Variants in PDE1C observed in about 807,000 individuals in gnomAD.
PDE1C encodes the protein dual specificity calcium/calmodulin-dependent 3',5'-cyclic nucleotide phosphodiesterase 1C.
PDE1C carries 62 observed loss-of-function variants against 93.1 expected under a neutral mutation model. That is an observed-to-expected ratio of 0.67 (90% CI 0.54 to 0.82). The LOEUF is 0.82. PDE1C is among the 40% of genes least tolerant of loss of function. PDE1C has a pLI of 0.00. For missense variants in PDE1C, 742 were observed against 884.6 expected (o/e 0.84, Z 2.04); for synonymous variants, 325 against 310.1 (o/e 1.05, Z -0.50).
chr7:31,945,878 T>C (rs1197659238), intron 2 of PDE1C, among the ~76,000 whole-genome samples: 1 of 152,176 alleles, frequency 6.6e-6, no homozygotes, highest in African/African-American at 2.4e-5. Flanking sequence ...TTTTTCTTTT[T>C]CCTTTGCATT....
At chr7:31,658,235 T>G in the PDE1C span, 1 of 1,467,090 alleles carries the variant, frequency 6.8e-7, no homozygotes, top group Non-Finnish European at 9.0e-7. Flanking sequence ...AAATGTTGCA[T>G]TAGGTTTTGT....
chr7:32,087,891 A>T (rs1253120091), intron 3 of PDE1C, among the ~76,000 whole-genome samples: 2 of 151,826 alleles, frequency 1.3e-5, no homozygotes, highest in Non-Finnish European at 2.9e-5. Context: ...TAGGAGATAT[A>T]CCTAATGCTA....
chr7:31,904,917 T>C (rs12701157), intron 2 of PDE1C, among the ~76,000 whole-genome samples: 43,550 of 152,066 alleles, frequency 0.29, 6,480 homozygotes, highest in South Asian at 0.41. Flanking sequence ...CTAATAAACA[T>C]GGTAAAAAGT....
intron 16 of PDE1C, chr7:31,789,731 CTG>C (rs1053389633): frequency 1.0e-6 from 1 of 985,612 alleles, no homozygotes; most frequent in Non-Finnish European, 1.2e-6. Flanking sequence ...GAACCAGAGA[CTG>C]GAATCATCAT....
the PDE1C span, among the ~76,000 whole-genome samples, chr7:31,676,176 G>A: frequency 6.6e-6 from 1 of 152,122 alleles, no homozygotes; most frequent in African/African-American, 2.4e-5. Context: ...GTCCACAATG[G>A]TCATTACAAA....
chr7:32,420,907 A>G (rs1031033394), intron 1 of PDE1C, among the ~76,000 whole-genome samples: 10 of 152,078 alleles, frequency 6.6e-5, no homozygotes, highest in African/African-American at 2.4e-4. Context: ...ACAAAAATCA[A>G]ATCAGTGTCT....
intron 1 of PDE1C, among the ~76,000 whole-genome samples, chr7:32,248,244 T>A (rs950084007): frequency 2.0e-5 from 3 of 152,066 alleles, no homozygotes; most frequent in Non-Finnish European, 4.4e-5. Context: ...AATGGGGGAC[T>A]CCAGACAGAA....
At chr7:31,862,590 G>A (rs1390994922) in intron 7 of PDE1C, among the ~76,000 whole-genome samples, 1 of 152,160 alleles carries the variant, frequency 6.6e-6, no homozygotes, top group Non-Finnish European at 1.5e-5. Context: ...GTCCTCACAT[G>A]GCAGAAGAGG....
Position 32,050,662 on chromosome 7 carries a change from C to T in PDE1C, c.128+892G>A, listed in dbSNP as rs187094880. The stretch of plus-strand genomic sequence containing the variant: ...AAGATGAACAAATGAATAAATTCCA[C>T]GAGGAAGTACATGACATTTCCTAAG... On this transcript the variant is annotated intron_variant, in intron 2 of 17. Coordinates refer to ENST00000396191, the MANE Select transcript of PDE1C (RefSeq NM_001191057.4). 9.9e-5 allele frequency among the ~76,000 whole-genome samples: 15 copies of T among 152,048 alleles called. No homozygotes were observed. The East Asian group carries it at 1.7e-3, about 18-fold the overall frequency.
chr7:31,691,467 A>C, the PDE1C span, among the ~76,000 whole-genome samples: 2 of 152,210 alleles, frequency 1.3e-5, no homozygotes, highest in African/African-American at 4.8e-5. Flanking sequence ...AAAAGAACTC[A>C]AGATACAGAA....
chr7:31,636,266 G>C, the PDE1C span, among the ~76,000 whole-genome samples: 1 of 152,130 alleles, frequency 6.6e-6, no homozygotes, highest in Admixed American at 6.5e-5. Flanking sequence ...ATATCAACCA[G>C]ACTGGTATAA....
chr7:31,758,306 GTAAAAAAAAT>G (rs61692998), intron 17 of PDE1C, among the ~76,000 whole-genome samples: 42,331 of 151,304 alleles, frequency 0.28, 6,095 homozygotes, highest in African/African-American at 0.33. Context: ...TTAAAAAATG[GTAAAAAAAAT>G]TAAAAAAAAA....
At chr7:32,144,121 G>A (rs1194474877) in intron 3 of PDE1C, among the ~76,000 whole-genome samples, 1 of 152,122 alleles carries the variant, frequency 6.6e-6, no homozygotes, top group African/African-American at 2.4e-5. Flanking sequence ...CTTGATTTGA[G>A]GTGACAGAAA....
intron 16 of PDE1C, among the ~76,000 whole-genome samples, chr7:31,799,115 C>A (rs1785672923): frequency 1.3e-5 from 2 of 151,610 alleles, no homozygotes; most frequent in Non-Finnish European, 3.0e-5. Context: ...TGAATGCACA[C>A]CTGCTGAATA....
chr7:32,108,239 A>AAAAAAAAAAAAAAAAAAC, intron 3 of PDE1C, among the ~76,000 whole-genome samples: 1 of 149,894 alleles, frequency 6.7e-6, no homozygotes, highest in African/African-American at 2.4e-5. Flanking sequence ...ACAAAAAAAA[A>AAAAAAAAAAAAAAAAAAC]AAAAAAAAGC....
chr7:32,071,206 C>G (rs535392224), upstream of PDE1C: 30 of 985,438 alleles, frequency 3.0e-5, 1 homozygote, highest in South Asian at 1.4e-3. Flanking sequence ...GAACCCTCAC[C>G]TCAACAAGAG....
Position 32,189,932 on chromosome 7 carries a change from T to C in PDE1C, c.136+19557A>G, listed in dbSNP as rs531348449. On this transcript the variant is annotated intron_variant, in intron 2 of 18. Transcript: ENST00000396193. ...TCCTTTCAAGGTTAACTTTTGTATCTACTTCTAAGATGTCTTCTTCTGAGG... is the reference window on the plus strand; with the variant it reads ...TCCTTTCAAGGTTAACTTTTGTATCCACTTCTAAGATGTCTTCTTCTGAGG... Among the ~76,000 whole-genome samples, 30 of 152,342 alleles carry C rather than the reference T, an allele frequency of 2.0e-4. 1 individual carries two copies. In the South Asian group the frequency reaches 6.2e-3, roughly 32 times the overall value.
At chr7:31,846,425 A>G (rs1480107623) in intron 9 of PDE1C, among the ~76,000 whole-genome samples, 1 of 151,942 alleles carries the variant, frequency 6.6e-6, no homozygotes, top group Non-Finnish European at 1.5e-5. Context: ...CTGGCTAGCC[A>G]TATGCAAAAA....
chr7:31,836,495 C>T (rs575428109), intron 11 of PDE1C, among the ~76,000 whole-genome samples: 35 of 152,114 alleles, frequency 2.3e-4, no homozygotes, highest in African/African-American at 8.0e-4. Flanking sequence ...CCACCACGCC[C>T]GGCTAATTTT....
Sources: allele counts gnomAD v4.1 joint callset (sites outside exome capture counted in the v4.1 genomes callset), GRCh38; gene constraint gnomAD v4.1.1; transcripts MANE v1.5; gene names NCBI Gene and HGNC (gene_info 2026-07-23, HGNC 2026-07-21).